Variants in GPHN observed in about 807,000 individuals in gnomAD.
GPHN encodes the protein gephyrin.
Under a neutral mutation model 95.5 loss-of-function variants are expected in GPHN, and 17 were observed. The observed-to-expected ratio is 0.18, with a 90% confidence interval of 0.12 to 0.27. The LOEUF is 0.27. Ranked by LOEUF, GPHN falls within the 10% of genes least tolerant of loss-of-function variation. GPHN has a pLI of 1.00. For missense variants in GPHN, 660 were observed against 978.1 expected, an observed-to-expected ratio of 0.67 and a Z score of 4.34; for synonymous variants, 320 against 322.5, an observed-to-expected ratio of 0.99 and a Z score of 0.08.
intron 2 of GPHN, among the ~76,000 whole-genome samples, chr14:66,717,875 G>C (rs1264626797): frequency 6.6e-6 from 1 of 152,186 alleles, no homozygotes; most frequent in East Asian, 1.9e-4. Context: ...GGGTCTCTCA[G>C]CCGTGGATAC....
intron 3 of GPHN, among the ~76,000 whole-genome samples, chr14:66,788,402 ATGACATATGATGAT>A (rs1008183956): frequency 4.6e-5 from 7 of 152,226 alleles, no homozygotes; most frequent in Non-Finnish European, 1.0e-4. Context: ...AAAACACACA[ATGACATATGATGAT>A]TTTATGTAAT....
chr14:67,659,384 A>G, the GPHN span, among the ~76,000 whole-genome samples: 1 of 152,218 alleles, frequency 6.6e-6, no homozygotes, highest in Non-Finnish European at 1.5e-5. Context: ...AATAAAAAAG[A>G]TCAAGGAGAA....
the GPHN span, among the ~76,000 whole-genome samples, chr14:67,618,037 A>C: frequency 9.8e-5 from 15 of 152,352 alleles, no homozygotes; most frequent in South Asian, 3.1e-3. Context: ...AGGTTTTTGC[A>C]GTAGCACAGG....
At chr14:67,224,259 C>CTTT in the GPHN span, among the ~76,000 whole-genome samples, 1 of 134,800 alleles carries the variant, frequency 7.4e-6, no homozygotes, top group Non-Finnish European at 1.6e-5. Context: ...TCTCTCTTTT[C>CTTT]TTTTTTTTTT....
the GPHN span, chr14:67,648,046 G>T: frequency 5.0e-6 from 8 of 1,607,874 alleles, no homozygotes; most frequent in Non-Finnish European, 6.8e-6. Flanking sequence ...TTCCTTTTTA[G>T]GAGACAAAGA....
intron 2 of GPHN, among the ~76,000 whole-genome samples, chr14:66,720,495 A>G (rs1252142582): frequency 6.6e-6 from 1 of 152,190 alleles, no homozygotes; most frequent in African/African-American, 2.4e-5. Flanking sequence ...TGAATAAAGA[A>G]GTCACTTCCT....
the GPHN span, among the ~76,000 whole-genome samples, chr14:67,722,086 C>T: frequency 6.6e-6 from 1 of 152,152 alleles, no homozygotes; most frequent in Non-Finnish European, 1.5e-5. Flanking sequence ...CTCAGCCCTC[C>T]AGGAGTTCCA....
At chr14:67,498,082 C>T in the GPHN span, among the ~76,000 whole-genome samples, 1 of 152,170 alleles carries the variant, frequency 6.6e-6, no homozygotes. Context: ...CCAAAGAGAA[C>T]AATTGTTTTT....
chr14:67,662,046 C>T, the GPHN span, among the ~76,000 whole-genome samples: 19 of 151,768 alleles, frequency 1.3e-4, no homozygotes, highest in Non-Finnish European at 2.9e-5. Context: ...TTCCCAGCTA[C>T]TTGGGAGGCT....
chr14:66,747,933 G>A (rs2153445989), intron 2 of GPHN, among the ~76,000 whole-genome samples: 1 of 152,062 alleles, frequency 6.6e-6, no homozygotes, highest in Middle Eastern at 3.4e-3. Context: ...AATAAAAAGA[G>A]ATCTACATAT....
chr14:67,687,706 G>A, the GPHN span, among the ~76,000 whole-genome samples: 2 of 151,580 alleles, frequency 1.3e-5, no homozygotes, highest in African/African-American at 4.8e-5. Flanking sequence ...CCTGACCTCA[G>A]GTGATCTACC....
chr14:66,901,491 T>A (rs2065128919), intron 5 of GPHN, among the ~76,000 whole-genome samples: 2 of 152,102 alleles, frequency 1.3e-5, no homozygotes, highest in Non-Finnish European at 2.9e-5. Context: ...AGTGTTTTCT[T>A]CTAGTAGTTT....
intron 1 of GPHN, among the ~76,000 whole-genome samples, chr14:66,593,309 A>C (rs28874705): frequency 6.6e-6 from 1 of 152,064 alleles, no homozygotes; most frequent in Admixed American, 6.6e-5. Flanking sequence ...TTAAAAAAAA[A>C]AAAAAACAAA....
intron 10 of GPHN, among the ~76,000 whole-genome samples, chr14:67,045,668 T>A (rs1170820379): frequency 6.6e-6 from 1 of 151,630 alleles, no homozygotes; most frequent in Non-Finnish European, 1.5e-5. Context: ...TCTCTCTCTG[T>A]CTCTCCCTCT....
intron 6 of GPHN, among the ~76,000 whole-genome samples, chr14:66,916,753 C>T (rs138367870): frequency 1.3e-5 from 2 of 152,286 alleles, no homozygotes; most frequent in Non-Finnish European, 2.9e-5. Flanking sequence ...GAGATCTCCT[C>T]CAACTAGTTA....
intron 10 of GPHN, among the ~76,000 whole-genome samples, chr14:67,047,566 A>G (rs934883220): frequency 3.9e-5 from 6 of 151,966 alleles, no homozygotes; most frequent in Admixed American, 6.6e-5. Flanking sequence ...GGGTTTCACC[A>G]TGTTACCCAG....
the GPHN span, chr14:67,684,557 G>C: frequency 2.6e-5 from 4 of 151,806 alleles, no homozygotes; most frequent in Admixed American, 6.6e-5. Flanking sequence ...TTTCAATCCT[G>C]AGGACAATAG....
the GPHN span, among the ~76,000 whole-genome samples, chr14:67,466,808 C>T: frequency 5.0e-4 from 76 of 152,162 alleles, no homozygotes; most frequent in African/African-American, 1.8e-3. Context: ...GCCTGGCCAA[C>T]ATGGCAAAAC....
At chr14:67,158,445 A>G (rs2081755231) in intron 18 of GPHN, among the ~76,000 whole-genome samples, 1 of 152,150 alleles carries the variant, frequency 6.6e-6, no homozygotes, top group South Asian at 2.1e-4. Flanking sequence ...GGGTGGCACT[A>G]TTGGCAAGGA....
Sources: allele counts gnomAD v4.1 joint callset (sites outside exome capture counted in the v4.1 genomes callset), GRCh38; gene constraint gnomAD v4.1.1; transcripts MANE v1.5; gene names NCBI Gene and HGNC (gene_info 2026-07-23, HGNC 2026-07-21).